Variants in CMTM8 observed in about 807,000 individuals in gnomAD.
The protein encoded by CMTM8 is CKLF like MARVEL transmembrane domain containing 8.
CMTM8 carries 12 observed loss-of-function variants against 18.6 expected under a neutral mutation model. The ratio of observed to expected loss-of-function variants is 0.65; its 90% confidence interval spans 0.41 to 1.05. The LOEUF (loss-of-function observed/expected upper bound fraction) is 1.05, where lower values mean the gene tolerates loss of function less well. Among genes scored for constraint, CMTM8 ranks in the 50% least tolerant of loss-of-function variants. CMTM8 has a pLI of 0.00. For missense variants in CMTM8, 217 were observed against 227.2 expected (o/e 0.95, Z 0.29); for synonymous variants, 87 against 90.6 (o/e 0.96, Z 0.23).
intron 1 of CMTM8, among the ~76,000 whole-genome samples, chr3:32,272,870 G>C (rs1702459398): frequency 6.6e-6 from 1 of 152,120 alleles, no homozygotes; most frequent in African/African-American, 2.4e-5. Context: ...TTTCCTGTTA[G>C]ACTTTCACCT....
intron 1 of CMTM8, among the ~76,000 whole-genome samples, chr3:32,299,726 G>T (rs79797372): frequency 0.018 from 2,776 of 152,228 alleles, 89 homozygotes; most frequent in African/African-American, 0.064. Flanking sequence ...AAAAGTTCAG[G>T]AAGATGACTG....
At chr3:32,266,891 A>G (rs1366897849) in intron 1 of CMTM8, among the ~76,000 whole-genome samples, 1 of 152,218 alleles carries the variant, frequency 6.6e-6, no homozygotes, top group East Asian at 1.9e-4. Context: ...TCCAACTTAC[A>G]AGGGATGTGG....
In CMTM8 at chr3:32,357,373, G is replaced by C; in HGVS notation, c.148G>C (p.Val50Leu). ...LPGFLIVAEI[V>L]LGLLVWTLIA... is the part of the protein sequence containing the mutation. Reference sequence around the variant, plus strand: ...CTCCACTGCTTCTACCACTTTACAGGTTCTGGGGCTGCTGGTATGGACGCT... The same window carrying C: ...CTCCACTGCTTCTACCACTTTACAGCTTCTGGGGCTGCTGGTATGGACGCT... The change falls in exon 2 of 4, where the codon GTT (valine) becomes CTT (leucine). Residue 50 changes from valine (V) to leucine (L), a missense_variant and splice_region_variant. Val to Leu is a conservative substitution (Grantham distance 32). Coordinates refer to ENST00000307526, the MANE Select transcript of CMTM8 (RefSeq NM_178868.5). 1 of 1,612,820 alleles carries C rather than the reference G, an allele frequency of 6.2e-7. No homozygotes were observed. Among genetic ancestry groups the C allele is most frequent in the Non-Finnish European group, 8.5e-7 (1 of 1,179,718 alleles).
chr3:32,365,989 C>A (rs921620897), intron 2 of CMTM8, among the ~76,000 whole-genome samples: 5 of 152,108 alleles, frequency 3.3e-5, no homozygotes, highest in Non-Finnish European at 7.4e-5. Context: ...ACCTTTATGA[C>A]GATCCTGGTT....
intron 1 of CMTM8, among the ~76,000 whole-genome samples, chr3:32,312,473 C>T (rs1165793298): frequency 6.6e-6 from 1 of 151,964 alleles, no homozygotes; most frequent in African/African-American, 2.4e-5. Flanking sequence ...GATGAACAGC[C>T]AGAAGCTGAG....
At position 32,309,461 on chromosome 3, in the gene CMTM8, C is replaced by T. The variant is rs139316786; in HGVS notation, c.148-47912C>T. ...TAGCTGGGATTACAGGTGTGCACCA[C>T]CACGCCCGGCTAATTTTTGTATTTT... is the stretch of plus-strand genomic sequence containing the variant. On this transcript the variant is annotated intron_variant, in intron 1 of 3. Transcript: ENST00000307526. Among the ~76,000 whole-genome samples the T allele has an allele frequency of 2.7e-3, 417 of 151,988 alleles. 2 individuals carry two copies. The highest frequency in any genetic ancestry group is 9.8e-3 in the African/African-American group (405 of 41,444).
At chr3:32,361,286 G>GTTTGTTTTTTTTTGTTTTTTTTTTTTTT (rs140270969) in intron 2 of CMTM8, among the ~76,000 whole-genome samples, 2 of 87,230 alleles carry the variant, frequency 2.3e-5, no homozygotes, top group Non-Finnish European at 2.4e-5. Flanking sequence ...CAGCCTAAGA[G>GTTTGTTTTTTTTTGTTTTTTTTTTTTTT]TTTTTTTTTC....
At chr3:32,259,707 A>G in intron 1 of CMTM8, 1 of 1,109,160 alleles carries the variant, frequency 9.0e-7, no homozygotes, top group Non-Finnish European at 1.4e-6. Flanking sequence ...GCCCAATATG[A>G]CGAGCTGGCT....
At position 32,239,136 on chromosome 3, in the gene CMTM8, C is replaced by T. The variant is rs1559358706; in HGVS notation, c.147+17C>T. On this transcript the variant is annotated intron_variant, in intron 1 of 3. Coordinates refer to ENST00000307526, the MANE Select transcript of CMTM8 (RefSeq NM_178868.5). ...GCCGAGATCGTGAGTGCCGACGGGCCGGGGGTGGCGGGGGGCTCAGCTGGA... is the reference window on the plus strand; with the variant it reads ...GCCGAGATCGTGAGTGCCGACGGGCTGGGGGTGGCGGGGGGCTCAGCTGGA... 3 of 1,580,894 alleles carry T rather than the reference C, an allele frequency of 1.9e-6. No homozygotes were observed. The highest frequency in any genetic ancestry group is 2.6e-6 in the Non-Finnish European group (3 of 1,164,314).
chr3:32,328,045 T>C (rs1696195756), intron 1 of CMTM8, among the ~76,000 whole-genome samples: 1 of 152,076 alleles, frequency 6.6e-6, no homozygotes, highest in African/African-American at 2.4e-5. Flanking sequence ...ACCTCATCTC[T>C]ACAAAAAATT....
chr3:32,272,533 A>T (rs1303206844), intron 1 of CMTM8, among the ~76,000 whole-genome samples: 1 of 152,096 alleles, frequency 6.6e-6, no homozygotes, highest in Non-Finnish European at 1.5e-5. Flanking sequence ...CATTTTAGTT[A>T]TTTATATAAC....
intron 1 of CMTM8, chr3:32,259,790 C>A: frequency 1.2e-6 from 1 of 842,072 alleles, no homozygotes; most frequent in Non-Finnish European, 2.0e-6. Flanking sequence ...GGTCACCACA[C>A]AGTCCGCCGA....
intron 1 of CMTM8, among the ~76,000 whole-genome samples, chr3:32,351,686 T>G (rs1038787394): frequency 6.6e-6 from 1 of 150,412 alleles, no homozygotes; most frequent in African/African-American, 2.5e-5. Flanking sequence ...CACTCCAGCC[T>G]GGGCAACAGA....
At chr3:32,320,045 A>G (rs150338647) in intron 1 of CMTM8, among the ~76,000 whole-genome samples, 58 of 152,314 alleles carry the variant, frequency 3.8e-4, no homozygotes, top group African/African-American at 1.4e-3. Flanking sequence ...TGATGATTCT[A>G]TGATCTAAAA....
intron 1 of CMTM8, among the ~76,000 whole-genome samples, chr3:32,289,395 T>C (rs4396930): frequency 0.37 from 55,492 of 152,020 alleles, 10,590 homozygotes; most frequent in Admixed American, 0.49. Context: ...TCTGATGACT[T>C]TTCCCCAAAT....
intron 1 of CMTM8, among the ~76,000 whole-genome samples, chr3:32,335,014 T>C (rs912146291): frequency 6.6e-6 from 1 of 152,124 alleles, no homozygotes; most frequent in African/African-American, 2.4e-5. Context: ...GCTGGCACAT[T>C]TGGGGGCTGG....
At chr3:32,242,278 T>A (rs184473102) in intron 1 of CMTM8, among the ~76,000 whole-genome samples, 18 of 152,360 alleles carry the variant, frequency 1.2e-4, no homozygotes, top group Admixed American at 9.8e-4. Context: ...ATGTTTTTCT[T>A]CAGAATTTAA....
chr3:32,285,369 A>G (rs544671385), intron 1 of CMTM8, among the ~76,000 whole-genome samples: 19 of 152,074 alleles, frequency 1.2e-4, no homozygotes, highest in Non-Finnish European at 2.6e-4. Context: ...ACAAAAATCA[A>G]CTGGGCGTGT....
intron 1 of CMTM8, among the ~76,000 whole-genome samples, chr3:32,239,722 T>C (rs1010090479): frequency 2.0e-5 from 3 of 152,158 alleles, no homozygotes; most frequent in Non-Finnish European, 2.9e-5. Flanking sequence ...CTTCTCTTCA[T>C]TGGAGGGCAT....
Sources: allele counts gnomAD v4.1 joint callset (sites outside exome capture counted in the v4.1 genomes callset), GRCh38; gene constraint gnomAD v4.1.1; transcripts MANE v1.5; gene names NCBI Gene and HGNC (gene_info 2026-07-23, HGNC 2026-07-21).